DCAF16: variants seen among roughly 807,000 people sequenced by gnomAD.
DCAF16 encodes DDB1 and CUL4 associated factor 16.
In DCAF16, 10 loss-of-function variants were observed where a neutral mutation model predicts 17.3. That is an observed-to-expected ratio of 0.58 (90% CI 0.36 to 0.98). The LOEUF (loss-of-function observed/expected upper bound fraction) is 0.98, where lower values mean the gene tolerates loss of function less well. Ranked by LOEUF, DCAF16 falls within the 50% of genes least tolerant of loss-of-function variation. The pLI, the probability that DCAF16 is intolerant of heterozygous loss-of-function variation, is 0.01. For missense variants in DCAF16, 249 were observed against 247.6 expected, an observed-to-expected ratio of 1.01 and a Z score of -0.04; for synonymous variants, 111 against 92.8, an observed-to-expected ratio of 1.20 and a Z score of -1.12.
rs1407314329 is a variant in DCAF16 at position 17,802,969 on chromosome 4, A to G, written c.*522T>C. 2.6e-5 allele frequency: 4 copies of G among 153,710 alleles called. No individual in the cohort carries two copies. Among genetic ancestry groups the G allele is most frequent in the Non-Finnish European group, 5.8e-5 (4 of 69,156 alleles). The allele number at this position is 153,710 out of a possible 1,614,324, so 9.5% of individuals were successfully genotyped here. A position where few individuals can be genotyped will look rare whatever the true frequency, so the allele number is the denominator to read the frequency against. Reference sequence around the variant, plus strand: ...AGAGTAAATTGGGGTGGGGAGGGTGAGAAGTGAGTGTGAAGAATATTCAAC... The same window carrying G: ...AGAGTAAATTGGGGTGGGGAGGGTGGGAAGTGAGTGTGAAGAATATTCAAC... On this transcript the variant is annotated 3_prime_UTR_variant, in exon 3 of 3. Coordinates refer to ENST00000382247, the MANE Select transcript of DCAF16 (RefSeq NM_017741.4).
Position 17,803,745 on chromosome 4 carries a change from G to A in DCAF16, c.397C>T (p.Arg133Trp), listed in dbSNP as rs775598926. 1.2e-5 allele frequency: 19 copies of A among 1,614,022 alleles called. No homozygotes were observed. Among genetic ancestry groups the A allele is most frequent in the South Asian group, 2.2e-5 (2 of 91,084 alleles). Reference sequence around the variant, plus strand: ...AGAGTGGCATGATCTCTAGAGAGCCGGCTGGGACTTGTAAGAGGCTTTTGA... The same window carrying A: ...AGAGTGGCATGATCTCTAGAGAGCCAGCTGGGACTTGTAAGAGGCTTTTGA... ...PFQKPLTSPS[R>W]LSRDHATLNG... Residue 133 changes from arginine to tryptophan, a missense_variant, in exon 3 of 3, where the codon CGG (arginine) becomes TGG (tryptophan). Transcript: ENST00000382247.
At chr4:17,798,542 G>C (rs896542495), downstream of DCAF16, among the ~76,000 whole-genome samples, 16 of 151,862 alleles carry the variant, frequency 1.1e-4, no homozygotes, top group African/African-American at 3.9e-4. Flanking sequence ...GCTGCGGTGA[G>C]CCAAGATTAT....
rs1560208736 is a variant in DCAF16, at chr4:17,802,675, TAA to T, written c.*814_*815del. The T allele has an allele frequency of 6.7e-6, 1 of 148,958 alleles. No individual in the cohort carries two copies. The highest frequency in any genetic ancestry group is 1.5e-5 in the Non-Finnish European group (1 of 67,566). 9.2% of individuals were successfully genotyped at this position (148,958 alleles called of 1,614,324 possible). A position where few individuals can be genotyped will look rare whatever the true frequency, so the allele number is the denominator to read the frequency against. Reference sequence around the variant, plus strand: ...AAAAAAGAAAAAATAAAAGGAACCCTAAAGAGTGTCATATGTAGGCACATCTA... The same window carrying T: ...AAAAAAGAAAAAATAAAAGGAACCCTAGAGTGTCATATGTAGGCACATCTA... On this transcript the variant is annotated 3_prime_UTR_variant, in exon 3 of 3. Transcript: ENST00000382247.
At chr4:17,798,912 TAGA>T (rs1719561532), downstream of DCAF16, among the ~76,000 whole-genome samples, 1 of 152,214 alleles carries the variant, frequency 6.6e-6, no homozygotes, top group Admixed American at 6.5e-5. Context: ...CAAGTTGACA[TAGA>T]AGTACTGGTG....
At position 17,804,081 on chromosome 4, in the gene DCAF16, T is replaced by G. The variant is rs758461267; in HGVS notation, c.61A>C (p.Asn21His). 1 of 1,614,174 alleles carries G rather than the reference T, an allele frequency of 6.2e-7. No homozygotes were observed. Among genetic ancestry groups the G allele is most frequent in the Non-Finnish European group, 8.5e-7 (1 of 1,180,012 alleles). ...LSESESEEEE[N>H]ISYLNESSGE... ...GAACTCTCATTTAGGTAACTAATAT[T>G]TTCTTCTTCCTCACTTTCTGATTCT... The change falls in exon 3 of 3, where the codon AAT becomes CAT. Residue 21 changes from asparagine to histidine, a missense_variant. Asn to His is a moderately conservative substitution (Grantham distance 68). Transcript: ENST00000382247.
At position 17,803,582 on chromosome 4, in the gene DCAF16, T is replaced by C; in HGVS notation, c.560A>G (p.Lys187Arg). The C allele has an allele frequency of 1.2e-6, 2 of 1,614,230 alleles. No homozygotes were observed. Among genetic ancestry groups the C allele is most frequent in the Non-Finnish European group, 1.7e-6 (2 of 1,180,038 alleles). Reference protein sequence around the residue: ...CCCGWLTKTVKETTRTEPINT... With the variant: ...CCCGWLTKTVRETTRTEPINT... ...GATGGGTTCAGTACGAGTTGTTTCC[T>C]TAACTGTTTTAGTCAGCCAGCCACA... Residue 187 changes from lysine to arginine, a missense_variant, in exon 3 of 3, where the codon AAG becomes AGG. By Grantham distance (26) the Lys-to-Arg change is conservative. Transcript: ENST00000382247.
At chr4:17,800,144 CAAAAAAA>C (rs971077538), downstream of DCAF16, among the ~76,000 whole-genome samples, 6 of 46,002 alleles carry the variant, frequency 1.3e-4, no homozygotes, top group East Asian at 7.3e-4. Flanking sequence ...AACTCCATCT[CAAAAAAA>C]AAAAAAAAAA....
At chr4:17,808,317 G>A (rs1720513706) in intron 1 of DCAF16, among the ~76,000 whole-genome samples, 1 of 152,168 alleles carries the variant, frequency 6.6e-6, no homozygotes, top group Non-Finnish European at 1.5e-5. Context: ...TTTTAATTGT[G>A]CTGTCCTCTA....
chr4:17,797,951 A>G (rs1243870420), downstream of DCAF16, among the ~76,000 whole-genome samples: 1 of 152,228 alleles, frequency 6.6e-6, no homozygotes, highest in African/African-American at 2.4e-5. Flanking sequence ...CTCCCCAAAT[A>G]AAACTATAGT....
chr4:17,794,180 T>C, the DCAF16 span, among the ~76,000 whole-genome samples: 1 of 152,210 alleles, frequency 6.6e-6, no homozygotes, highest in African/African-American at 2.4e-5. Context: ...GAGTATCCCT[T>C]ATCTGAAATG....
At chr4:17,808,643 A>C (rs969353286) in intron 1 of DCAF16, among the ~76,000 whole-genome samples, 2 of 152,198 alleles carry the variant, frequency 1.3e-5, no homozygotes, top group Non-Finnish European at 2.9e-5. Flanking sequence ...AAATATAGTT[A>C]GGCTGACCTC....
chr4:17,802,153 G>A lies in DCAF16; in HGVS notation c.*1338C>T, dbSNP rs1438796685. On this transcript the variant is annotated 3_prime_UTR_variant, in exon 3 of 3. Coordinates refer to ENST00000382247, the MANE Select transcript of DCAF16 (RefSeq NM_017741.4). ...AAGGGTTCCTGAAAAGTTTGCAATG[G>A]ATGTGGAAAGTACTTGAGCTTTTAC... The A allele has an allele frequency of 1.3e-5, 2 of 152,078 alleles. No homozygotes were observed. Among genetic ancestry groups the A allele is most frequent in the East Asian group, 3.9e-4 (2 of 5,186 alleles). 9.4% of individuals were successfully genotyped at this position (152,078 alleles called of 1,614,324 possible). A position where few individuals can be genotyped will look rare whatever the true frequency, so the allele number is the denominator to read the frequency against.
At chr4:17,793,785 C>T in the DCAF16 span, among the ~76,000 whole-genome samples, 2 of 152,020 alleles carry the variant, frequency 1.3e-5, no homozygotes, top group Non-Finnish European at 2.9e-5. Context: ...CGAATGTATA[C>T]ACATGTAAAA....
At chr4:17,797,027 A>G (rs1162940518), downstream of DCAF16, among the ~76,000 whole-genome samples, 1 of 152,106 alleles carries the variant, frequency 6.6e-6, no homozygotes, top group Non-Finnish European at 1.5e-5. Flanking sequence ...CAGTGGCATG[A>G]CCATAACCCA....
downstream of DCAF16, among the ~76,000 whole-genome samples, chr4:17,796,880 C>A (rs1263174633): frequency 6.6e-6 from 1 of 152,126 alleles, no homozygotes; most frequent in East Asian, 1.9e-4. Context: ...AACAACAGTT[C>A]TAAGAAATAA....
chr4:17,808,953 C>T (rs1321296086), intron 1 of DCAF16, among the ~76,000 whole-genome samples: 1 of 152,070 alleles, frequency 6.6e-6, no homozygotes, highest in Admixed American at 6.5e-5. Flanking sequence ...CGCTTCAACC[C>T]GGGAGGCAGA....
At chr4:17,805,334 C>A (rs1720223151) in intron 1 of DCAF16, 109 bp from the exon 2 acceptor site, 1 of 152,030 alleles carries the variant, frequency 6.6e-6, no homozygotes, top group African/African-American at 2.4e-5. Flanking sequence ...AGTATAGGCT[C>A]ACTTCACTTG....
chr4:17,810,209 TA>T (rs1372307234), intron 1 of DCAF16, among the ~76,000 whole-genome samples: 2 of 152,240 alleles, frequency 1.3e-5, no homozygotes, highest in African/African-American at 4.8e-5. Flanking sequence ...TTCTTTATTT[TA>T]ACCACTACCC....
chr4:17,808,619 A>C (rs561171720), intron 1 of DCAF16, among the ~76,000 whole-genome samples: 121 of 152,350 alleles, frequency 7.9e-4, no homozygotes, highest in East Asian at 1.5e-3. Flanking sequence ...CAAAACAAAA[A>C]AAAAAACTAA....
Sources: gnomAD v4.1 joint callset for allele counts (sites outside exome capture counted in the v4.1 genomes callset) on GRCh38, gnomAD v4.1.1 for gene constraint, MANE v1.5 for transcripts, NCBI Gene and HGNC (gene_info 2026-07-23, HGNC 2026-07-21) for gene names.